Variants in NDST2 observed in about 807,000 individuals in gnomAD.
NDST2 encodes the protein N-deacetylase and N-sulfotransferase 2.
In NDST2, 32 loss-of-function variants were observed where a neutral mutation model predicts 86.9. That is an observed-to-expected ratio of 0.37 (90% CI 0.28 to 0.49). The LOEUF is 0.49. Among genes scored for constraint, NDST2 ranks in the 20% least tolerant of loss-of-function variants. The pLI is 0.97. For missense variants in NDST2, 950 were observed against 1,146.9 expected (o/e 0.83, Z 2.48); for synonymous variants, 409 against 437.0 (o/e 0.94, Z 0.80).
Position 73,802,727 on chromosome 10 carries a change from T to G in NDST2, c.2473A>C (p.Thr825Pro), listed in dbSNP as rs774024685. 1 of 1,613,966 alleles carries G rather than the reference T, an allele frequency of 6.2e-7. No individual in the cohort carries two copies. The highest frequency in any genetic ancestry group is 8.5e-7 in the Non-Finnish European group (1 of 1,180,028). The stretch of plus-strand genomic sequence containing the variant: ...CCTTTGCTCCGGCCTAGACAGCGAG[T>G]CTTACCACCTTCAAGTCCCTGGCAC... ...FWCQGLEGGK[T>P]RCLGRSKGRR... is the part of the protein sequence containing the mutation. Residue 825 changes from threonine to proline, a missense_variant, in exon 14 of 15, where the codon ACT (threonine) becomes CCT (proline). Coordinates refer to ENST00000309979, the MANE Select transcript of NDST2 (RefSeq NM_003635.4).
rs1293718319 is a variant in NDST2 at position 73,808,159 on chromosome 10, G to A, written c.230C>T (p.Pro77Leu). Residue 77 changes from proline (P) to leucine (L), a missense_variant, in exon 3 of 15, where the codon CCT (proline) becomes CTT (leucine). By Grantham distance (98) the Pro-to-Leu change is moderately conservative. This residue lies in a region of NDST2 where 586 missense variants were observed against 714.0 expected (regional missense o/e 0.82). Coordinates refer to ENST00000309979, the MANE Select transcript of NDST2 (RefSeq NM_003635.4). This position sits in a 1 kb window ranked among gnomAD's most constrained non-coding sequence, Gnocchi z 4.3. ...GGGTTCAGTTCGAGCTGTCTCTGGA[G>A]GCCTGGGGGGCCGAGGTGGAACTGG... ...RPPVPPRPPR[P>L]PETARTEPVV... 1 of 1,614,228 alleles carries A rather than the reference G, an allele frequency of 6.2e-7. No homozygotes were observed. Among genetic ancestry groups the A allele is most frequent in the Non-Finnish European group, 8.5e-7 (1 of 1,180,040 alleles).
At chr10:73,805,523 A>G in intron 8 of NDST2, 64 bp downstream of exon 8, 1 of 1,523,894 alleles carries the variant, frequency 6.6e-7, no homozygotes, top group South Asian at 1.1e-5. Context: ...CAAAACAACA[A>G]CAACAACAAC....
rs1199015453 is a variant in NDST2 at position 73,808,189 on chromosome 10, C to T, written c.200G>A (p.Arg67Gln). Residue 67 changes from arginine (R) to glutamine (Q), a missense_variant, in exon 3 of 15, where the codon CGG becomes CAG. Around this residue, in one of 5 missense-constraint regions of NDST2, gnomAD observed 586 missense variants for 714.0 expected, o/e 0.82. Coordinates refer to ENST00000309979, the MANE Select transcript of NDST2 (RefSeq NM_003635.4). This position sits in a 1 kb window ranked among gnomAD's most constrained non-coding sequence, Gnocchi z 4.3. Reference sequence around the variant, plus strand: ...GGGGGGCCGAGGTGGAACTGGAGGCCGTGCAGGGCCAGGACCAGCTGCCCC... The same window carrying T: ...GGGGGGCCGAGGTGGAACTGGAGGCTGTGCAGGGCCAGGACCAGCTGCCCC... ...SGGAAGPGPA[R>Q]PPVPPRPPRP... 1.9e-5 allele frequency: 30 copies of T among 1,613,820 alleles called. No individual in the cohort carries two copies. Among genetic ancestry groups the T allele is most frequent in the Middle Eastern group, 3.3e-4 (2 of 6,084 alleles).
chr10:73,809,459 T>G (rs2132877125), intron 2 of NDST2, among the ~76,000 whole-genome samples: 1 of 152,266 alleles, frequency 6.6e-6, no homozygotes, highest in Non-Finnish European at 1.5e-5. Flanking sequence ...GGCCACACAC[T>G]GGGTGCTGAG....
chr10:73,806,607 A>T lies in NDST2; in HGVS notation c.1248+50T>A. On this transcript the variant is annotated intron_variant, in intron 5 of 14. Coordinates refer to ENST00000309979, the MANE Select transcript of NDST2 (RefSeq NM_003635.4). The surrounding 1 kb of genome is among the most constrained non-coding windows in gnomAD (Gnocchi z 4.5). ...GGTAGCCCATTAGGGGAAGGTAGAA[A>T]AGGAAGCATGGCTGGGAGAAATTAT... 1 of 1,599,694 alleles carries T rather than the reference A, an allele frequency of 6.3e-7. No individual in the cohort carries two copies. The highest frequency in any genetic ancestry group is 8.6e-7 in the Non-Finnish European group (1 of 1,168,560).
intron 8 of NDST2, 31 bp from the exon 9 acceptor site, chr10:73,804,900 CT>C: frequency 7.6e-7 from 1 of 1,320,908 alleles, no homozygotes; most frequent in Non-Finnish European, 1.1e-6. Context: ...CAGATAAGGC[CT>C]ATTTTTTTTT....
rs1180248356 is a variant in NDST2, at chr10:73,802,746, C to G, written c.2454G>C (p.Gln818His). Residue 818 changes from glutamine to histidine, a missense_variant, in exon 14 of 15, where the codon CAG becomes CAC. Coordinates refer to ENST00000309979, the MANE Select transcript of NDST2 (RefSeq NM_003635.4). ...AGCGAGTCTTACCACCTTCAAGTCC[C>G]TGGCACCAAAATCCCTTATCATCAT... The part of the protein sequence containing the change: ...RFDDDKGFWC[Q>H]GLEGGKTRCL... 1 of 1,614,190 alleles carries G rather than the reference C, an allele frequency of 6.2e-7. No homozygotes were observed. Among genetic ancestry groups the G allele is most frequent in the East Asian group, 2.2e-5 (1 of 44,884 alleles).
At position 73,802,052 on chromosome 10, in the gene NDST2, T is replaced by C. The variant is rs1471738068; in HGVS notation, c.*399A>G. The C allele has an allele frequency of 5.6e-6, 2 of 357,998 alleles. No homozygotes were observed. Among genetic ancestry groups the C allele is most frequent in the East Asian group, 1.5e-4 (2 of 13,626 alleles). The allele number at this position is 357,998 out of a possible 1,614,324, so 22.2% of individuals were successfully genotyped here. On this transcript the variant is annotated 3_prime_UTR_variant, in exon 15 of 15. Transcript: ENST00000309979. ...AGGCCGGGCCACAGGTAGATCCCAC[T>C]GCCTGGCTAAAGGGGCCATAGCAAG...
Position 73,807,762 on chromosome 10 carries a change from C to G in NDST2, c.627G>C (p.Leu209=), listed in dbSNP as rs1212080726. The G allele has an allele frequency of 1.2e-6, 2 of 1,614,140 alleles. No homozygotes were observed. Among genetic ancestry groups the G allele is most frequent in the Admixed American group, 3.3e-5 (2 of 60,020 alleles). The change falls in exon 3 of 15, where the codon CTG becomes CTC. Residue 209 remains leucine (L), a synonymous_variant. Coordinates refer to ENST00000309979, the MANE Select transcript of NDST2 (RefSeq NM_003635.4). The stretch of plus-strand genomic sequence containing the variant: ...CTAGGCGGCTGGGGCGTGTGAGATG[C>G]AGTAGCGGGGCAGAAGGATTCACTT... ...DYQVNPSAPL[L]HLTRPSRLEP... is the part of the protein sequence containing the mutation.
At position 73,802,350 on chromosome 10, in the gene NDST2, G is replaced by T; in HGVS notation, c.*101C>A. ...CAGGCCTGGGGGCTACTGAGGTAGA[G>T]GGGGAGGGGCCAGGCCACTCTAATC... On this transcript the variant is annotated 3_prime_UTR_variant, in exon 15 of 15. Coordinates refer to ENST00000309979, the MANE Select transcript of NDST2 (RefSeq NM_003635.4). The T allele has an allele frequency of 1.5e-6, 2 of 1,342,192 alleles. No homozygotes were observed. Among genetic ancestry groups the T allele is most frequent in the Admixed American group, 4.0e-5 (2 of 50,168 alleles). The allele number at this position is 1,342,192 out of a possible 1,614,324, so 83.1% of individuals were successfully genotyped here. A position where few individuals can be genotyped will look rare whatever the true frequency, so the allele number is the denominator to read the frequency against.
In NDST2 at chr10:73,807,555, C is replaced by T. The variant is rs1002475149; in HGVS notation, c.834G>A (p.Val278=). ...AGAAGGAAAGGCCATGTCCAAAGAG[C>T]ACCCGCTGGATGCCATCATGAAGCC... is the stretch of plus-strand genomic sequence containing the variant. The part of the protein sequence containing the change: ...DLGLHDGIQR[V]LFGHGLSFWL... The change falls in exon 3 of 15, where the codon GTG becomes GTA. Residue 278 remains valine, a synonymous_variant. Coordinates refer to ENST00000309979, the MANE Select transcript of NDST2 (RefSeq NM_003635.4). 1.2e-6 allele frequency: 2 copies of T among 1,614,186 alleles called. No individual in the cohort carries two copies. The highest frequency in any genetic ancestry group is 1.7e-6 in the Non-Finnish European group (2 of 1,180,034).
chr10:73,811,634 G>T (rs1353416198), upstream of NDST2: 1 of 152,076 alleles, frequency 6.6e-6, no homozygotes, highest in East Asian at 1.9e-4. Context: ...CCCACCGGGG[G>T]AGGCGGCGCG....
rs1297417680 is a variant in NDST2, at chr10:73,803,276, T to A, written c.2226A>T (p.Ala742=). The A allele has an allele frequency of 6.2e-7, 1 of 1,614,136 alleles. No homozygotes were observed. Among genetic ancestry groups the A allele is most frequent in the Admixed American group, 1.7e-5 (1 of 60,018 alleles). ...VISASSQTPL[A]LRSLQNRCLV... ...GACAGCGGTTCTGCAGGGAGCGTAG[T>A]GCCAGAGGGGTCTGGGAGGAGGCTG... The change falls in exon 12 of 15, where the codon GCA becomes GCT. Residue 742 remains alanine, a synonymous_variant. Coordinates refer to ENST00000309979, the MANE Select transcript of NDST2 (RefSeq NM_003635.4).
Position 73,806,222 on chromosome 10 carries a change from G to A in NDST2, c.1434+67C>T. On this transcript the variant is annotated intron_variant, in intron 6 of 14. Coordinates refer to ENST00000309979, the MANE Select transcript of NDST2 (RefSeq NM_003635.4). The surrounding 1 kb of genome is among the most constrained non-coding windows in gnomAD (Gnocchi z 4.5). ...GACTGGCAGTTGATAGAGAACATAG[G>A]TCAATGCATGTTGAAAGCTGTCTAA... 1.3e-6 allele frequency: 2 copies of A among 1,593,800 alleles called. No individual in the cohort carries two copies. Among genetic ancestry groups the A allele is most frequent in the East Asian group, 2.2e-5 (1 of 44,800 alleles).
chr10:73,811,718 C>G (rs1163591251), upstream of NDST2: 1 of 152,172 alleles, frequency 6.6e-6, no homozygotes, highest in Admixed American at 6.5e-5. Flanking sequence ...TCCGGGAAAT[C>G]AAGCGGCCCT....
At position 73,803,991 on chromosome 10, in the gene NDST2, C is replaced by T. The variant is rs1241114577; in HGVS notation, c.1869G>A (p.Leu623=). The T allele has an allele frequency of 5.0e-6, 8 of 1,613,882 alleles. No individual in the cohort carries two copies. The South Asian group carries it at 6.6e-5, about 13-fold the overall frequency. ...TGCTAGTTACAGCTGGGTGCAGGCT[C>T]AGGAAGAAGTGAATAGCTGTAGTCC... ...KTGTTAIHFF[L]SLHPAVTSSF... The change falls in exon 10 of 15, where the codon CTG becomes CTA. Residue 623 remains leucine, a synonymous_variant. Transcript: ENST00000309979.
At chr10:73,803,519 T>TGGGGGGGGGGCGGCG in intron 11 of NDST2, 55 bp downstream of exon 11, 1 of 565,898 alleles carries the variant, frequency 1.8e-6, no homozygotes, top group Non-Finnish European at 3.4e-6. Context: ...GCAGTCACTG[T>TGGGGGGGGGGCGGCG]CCCCTCCCCC....
At chr10:73,810,614 A>G in intron 2 of NDST2, 185 bp downstream of exon 2, 1 of 389,198 alleles carries the variant, frequency 2.6e-6, no homozygotes, top group Non-Finnish European at 4.5e-6. Flanking sequence ...TGTAGTGAGG[A>G]GGTCACTGAC....
At chr10:73,807,237 C>T (rs781023579) in intron 3 of NDST2, 42 bp from the exon 4 acceptor site, 14 of 1,580,612 alleles carry the variant, frequency 8.9e-6, no homozygotes, top group Middle Eastern at 1.7e-4. Context: ...GGAGAGCAGA[C>T]TGAACAGGAA....
Sources: allele counts gnomAD v4.1 joint callset (sites outside exome capture counted in the v4.1 genomes callset), GRCh38; gene constraint gnomAD v4.1.1; regional missense constraint gnomAD v4.1.1; non-coding constraint Gnocchi (gnomAD v3.1); transcripts MANE v1.5; gene names NCBI Gene and HGNC (gene_info 2026-07-23, HGNC 2026-07-21).